Variants in MFHAS1 observed in about 807,000 individuals in gnomAD.
MFHAS1 encodes multifunctional ROCO family signaling regulator 1, also known as malignant fibrous histiocytoma-amplified sequence 1.
In MFHAS1, 50 loss-of-function variants were observed where a neutral mutation model predicts 70.4. The ratio of observed to expected loss-of-function variants is 0.71; its 90% confidence interval spans 0.57 to 0.90. The LOEUF (loss-of-function observed/expected upper bound fraction) is 0.90, where lower values mean the gene tolerates loss of function less well. MFHAS1 is among the 40% of genes least tolerant of loss of function. MFHAS1 has a pLI of 0.00. For missense variants in MFHAS1, 1,795 were observed against 1,347.6 expected, an observed-to-expected ratio of 1.33 and a Z score of -5.20; for synonymous variants, 952 against 620.0, an observed-to-expected ratio of 1.54 and a Z score of -7.96.
chr8:8,864,042 A>G (rs1259228479), intron 1 of MFHAS1, among the ~76,000 whole-genome samples: 1 of 152,168 alleles, frequency 6.6e-6, no homozygotes, highest in Non-Finnish European at 1.5e-5. Context: ...GCATGTAGTT[A>G]CATTGCCTTC....
intron 1 of MFHAS1, among the ~76,000 whole-genome samples, chr8:8,823,946 T>C (rs1284700331): frequency 7.3e-6 from 1 of 137,472 alleles, no homozygotes; most frequent in South Asian, 3.2e-4. Context: ...TCACAGCAGA[T>C]TTCCCTACAG....
At chr8:8,832,700 C>G (rs1807450746) in intron 1 of MFHAS1, among the ~76,000 whole-genome samples, 1 of 141,950 alleles carries the variant, frequency 7.0e-6, no homozygotes, top group Non-Finnish European at 1.5e-5. Flanking sequence ...TCAATCATAG[C>G]TGACGGCCAC....
At chr8:8,799,187 T>C (rs1213562264) in intron 1 of MFHAS1, among the ~76,000 whole-genome samples, 2 of 152,228 alleles carry the variant, frequency 1.3e-5, no homozygotes, top group Admixed American at 6.5e-5. Flanking sequence ...ATACAGACTA[T>C]GTTTTTGCCT....
Position 8,891,058 on chromosome 8 carries a change from C to G in MFHAS1, c.2001G>C (p.Glu667Asp). Residue 667 changes from glutamate (E) to aspartate (D), a missense_variant, in exon 1 of 3, where the codon GAG (glutamate) becomes GAC (aspartate). By Grantham distance (45) the Glu-to-Asp change is conservative. Transcript: ENST00000276282. This position sits in a 1 kb window ranked among gnomAD's most constrained non-coding sequence, Gnocchi z 5.4. Reference sequence around the variant, plus strand: ...CCTGAGGTGGCTGGAAATGCAGTTCCTCCAGCACCTGCCAGGATCGAGGCA... The same window carrying G: ...CCTGAGGTGGCTGGAAATGCAGTTCGTCCAGCACCTGCCAGGATCGAGGCA... ...RVLPRSWQVL[E>D]ELHFQPPQAQ... 6.2e-7 allele frequency: 1 copy of G among 1,613,698 alleles called. No individual in the cohort carries two copies. Among genetic ancestry groups the G allele is most frequent in the Non-Finnish European group, 8.5e-7 (1 of 1,179,888 alleles).
chr8:8,869,703 A>G (rs1808997884), intron 1 of MFHAS1, among the ~76,000 whole-genome samples: 1 of 152,208 alleles, frequency 6.6e-6, no homozygotes, highest in Non-Finnish European at 1.5e-5. Flanking sequence ...TTTTTAAAAC[A>G]TGCTGCAGTC....
chr8:8,879,778 T>C (rs1028765548), intron 1 of MFHAS1, among the ~76,000 whole-genome samples: 2 of 152,198 alleles, frequency 1.3e-5, no homozygotes, highest in African/African-American at 4.8e-5. Flanking sequence ...GGTATTTTAT[T>C]TTCCTAGAAC....
In MFHAS1 at chr8:8,891,171, T is replaced by G; in HGVS notation, c.1888A>C (p.Arg630=). 2 of 1,613,394 alleles carry G rather than the reference T, an allele frequency of 1.2e-6. No homozygotes were observed. The highest frequency in any genetic ancestry group is 1.7e-6 in the Non-Finnish European group (2 of 1,180,018). Residue 630 remains arginine (R), a synonymous_variant, in exon 1 of 3, where the codon AGG becomes CGG. Coordinates refer to ENST00000276282, the MANE Select transcript of MFHAS1 (RefSeq NM_004225.3). The surrounding 1 kb of genome is among the most constrained non-coding windows in gnomAD (Gnocchi z 5.4). ...AGGCGTCGTAAGTGGCGCGGGTCCC[T>G]GCAGCTAACAGGCAACACGGGGGAG... ...ILSPVLPVSC[R]DPRHLRRLRD... is the part of the protein sequence containing the mutation.
At chr8:8,848,060 C>T (rs1318092541) in intron 1 of MFHAS1, among the ~76,000 whole-genome samples, 1 of 152,240 alleles carries the variant, frequency 6.6e-6, no homozygotes, top group Non-Finnish European at 1.5e-5. Flanking sequence ...AGCCTAGACA[C>T]TGGGTTGCAA....
In MFHAS1 at chr8:8,855,608, C is replaced by A. The variant is rs182637754; in HGVS notation, c.2998+34453G>T. Among the ~76,000 whole-genome samples, 1,341 of 152,286 alleles carry A rather than the reference C, an allele frequency of 8.8e-3. 6 individuals carry two copies. Among genetic ancestry groups the A allele is most frequent in the Middle Eastern group, 0.037 (11 of 294 alleles). ...CGGTGGCTCACACCTGTAATCCTGGCGCTTTGGTAGGCCGAGGCGGGTGGA... is the reference window on the plus strand; with the variant it reads ...CGGTGGCTCACACCTGTAATCCTGGAGCTTTGGTAGGCCGAGGCGGGTGGA... On this transcript the variant is annotated intron_variant, in intron 1 of 2. Transcript: ENST00000276282.
intron 2 of MFHAS1, among the ~76,000 whole-genome samples, chr8:8,796,096 A>G (rs190376133): frequency 1.7e-4 from 26 of 152,322 alleles, no homozygotes; most frequent in Non-Finnish European, 3.4e-4. Context: ...CAAACAAAAC[A>G]AAACGAAAAA....
chr8:8,886,340 T>C (rs1406155900), intron 1 of MFHAS1, among the ~76,000 whole-genome samples: 1 of 151,032 alleles, frequency 6.6e-6, no homozygotes, highest in Non-Finnish European at 1.5e-5. Context: ...TTATTTTTTA[T>C]TTTTTTTTGT....
chr8:8,787,271 G>GCA (rs1805582735), intron 2 of MFHAS1, among the ~76,000 whole-genome samples: 1 of 151,988 alleles, frequency 6.6e-6, no homozygotes, highest in East Asian at 1.9e-4. Flanking sequence ...TAGTAGAGAT[G>GCA]GGGTTTCACC....
At chr8:8,821,774 T>C (rs953411516) in intron 1 of MFHAS1, 5 of 152,242 alleles carry the variant, frequency 3.3e-5, no homozygotes, top group Admixed American at 6.5e-5. Flanking sequence ...AGGTGCCTAA[T>C]AGTAACTTTT....
At chr8:8,798,338 G>A (rs887651927) in intron 1 of MFHAS1, among the ~76,000 whole-genome samples, 14 of 152,086 alleles carry the variant, frequency 9.2e-5, no homozygotes, top group Non-Finnish European at 1.6e-4. Flanking sequence ...TTTTGTTGTT[G>A]TTTTGGAGAC....
chr8:8,813,983 T>C (rs528141491), intron 1 of MFHAS1, among the ~76,000 whole-genome samples: 10 of 151,412 alleles, frequency 6.6e-5, no homozygotes, highest in Admixed American at 3.9e-4. Flanking sequence ...CTGTTGCCCA[T>C]GCTGGAGTGC....
At chr8:8,811,312 ATTTTTT>A (rs72584154) in intron 1 of MFHAS1, among the ~76,000 whole-genome samples, 2 of 148,228 alleles carry the variant, frequency 1.3e-5, no homozygotes, top group Admixed American at 6.7e-5. Context: ...CAGAATAAAA[ATTTTTT>A]TTTTTTTGAG....
In MFHAS1 at chr8:8,815,354, T is replaced by C. The variant is rs568115368; in HGVS notation, c.2999-17863A>G. 3.9e-5 allele frequency among the ~76,000 whole-genome samples: 6 copies of C among 152,320 alleles called. No homozygotes were observed. The East Asian group carries it at 9.6e-4, about 24-fold the overall frequency. On this transcript the variant is annotated intron_variant, in intron 1 of 2. Coordinates refer to ENST00000276282, the MANE Select transcript of MFHAS1 (RefSeq NM_004225.3). Reference sequence around the variant, plus strand: ...ACATGCATGTATCTTTATAACAGAATGATTTATATTCCTTTAAGTATATAC... The same window carrying C: ...ACATGCATGTATCTTTATAACAGAACGATTTATATTCCTTTAAGTATATAC...
chr8:8,786,182 G>T, intron 2 of MFHAS1, 127 bp from the exon 3 acceptor site: 1 of 887,288 alleles, frequency 1.1e-6, no homozygotes, highest in Non-Finnish European at 1.8e-6. Flanking sequence ...CTACTTCCAG[G>T]ACTCATTATA....
chr8:8,859,424 G>A, intron 1 of MFHAS1, among the ~76,000 whole-genome samples: 1 of 152,180 alleles, frequency 6.6e-6, no homozygotes, highest in East Asian at 1.9e-4. Context: ...AAGATACTTG[G>A]TGCTATTCAA....
Sources: gnomAD v4.1 joint callset for allele counts (sites outside exome capture counted in the v4.1 genomes callset) on GRCh38, gnomAD v4.1.1 for gene constraint, Gnocchi (gnomAD v3.1) non-coding constraint, MANE v1.5 for transcripts, NCBI Gene and HGNC (gene_info 2026-07-23, HGNC 2026-07-21) for gene names.